Variants in ADAM12 observed in about 807,000 individuals in gnomAD.
The protein encoded by ADAM12 is ADAM metallopeptidase domain 12.
A neutral mutation model predicts 106.4 loss-of-function variants in ADAM12; 70 were observed. The ratio of observed to expected loss-of-function variants is 0.66; its 90% CI spans 0.54 to 0.80. The LOEUF (loss-of-function observed/expected upper bound fraction) is 0.80, where lower values mean the gene tolerates loss of function less well. ADAM12 is among the 30% of genes least tolerant of loss of function. The pLI, the probability that ADAM12 is intolerant of heterozygous loss-of-function variation, is 0.00. For missense variants in ADAM12, 1,010 were observed against 1,171.9 expected, an observed-to-expected ratio of 0.86 and a Z score of 2.02; for synonymous variants, 420 against 433.5, an observed-to-expected ratio of 0.97 and a Z score of 0.39.
chr10:126,361,625 T>C (rs1855748279), intron 1 of ADAM12, among the ~76,000 whole-genome samples: 1 of 151,996 alleles, frequency 6.6e-6, no homozygotes, highest in African/African-American at 2.4e-5. Flanking sequence ...AGCCCAGAAA[T>C]GAACCCAAAC....
intron 2 of ADAM12, among the ~76,000 whole-genome samples, chr10:126,313,345 A>G (rs1323089227): frequency 3.3e-5 from 5 of 152,308 alleles, no homozygotes; most frequent in African/African-American, 9.6e-5. Context: ...GCCTTCTTCT[A>G]TTGGTGACCC....
chr10:126,384,651 T>C (rs904916650), intron 1 of ADAM12, among the ~76,000 whole-genome samples: 2 of 152,078 alleles, frequency 1.3e-5, no homozygotes, highest in Non-Finnish European at 2.9e-5. Context: ...AGGAGGTTGA[T>C]AGTTCTTCCA....
At chr10:126,084,294 G>A (rs1955292564) in intron 11 of ADAM12, among the ~76,000 whole-genome samples, 1 of 152,162 alleles carries the variant, frequency 6.6e-6, no homozygotes, top group Non-Finnish European at 1.5e-5. Flanking sequence ...CCTGCACCAA[G>A]TCCTGAAAGA....
chr10:126,013,820 G>A lies in ADAM12; in HGVS notation c.*3459C>T, dbSNP rs935987188. ...TAGGGCTGGCTTCTAGCATGGAGAG[G>A]AGAGGAAAAGGGGTCCTGCAATGTC... On this transcript the variant is annotated 3_prime_UTR_variant, in exon 23 of 23. Transcript: ENST00000448723. This position sits in a 1 kb window ranked among gnomAD's most constrained non-coding sequence, Gnocchi z 4.3. 3.3e-5 allele frequency: 5 copies of A among 152,470 alleles called. No individual in the cohort carries two copies. The highest frequency in any genetic ancestry group is 5.9e-5 in the Non-Finnish European group (4 of 68,256). 9.4% of individuals were successfully genotyped at this position (152,470 alleles called of 1,614,324 possible). A position where few individuals can be genotyped will look rare whatever the true frequency, so the allele number is the denominator to read the frequency against.
intron 3 of ADAM12, among the ~76,000 whole-genome samples, chr10:126,249,580 T>C (rs1958704387): frequency 6.6e-6 from 1 of 152,126 alleles, no homozygotes; most frequent in African/African-American, 2.4e-5. Flanking sequence ...CGCCTGTGCC[T>C]GTAGTCTCAG....
chr10:126,254,069 C>T (rs1237444852), intron 3 of ADAM12, among the ~76,000 whole-genome samples: 2 of 152,228 alleles, frequency 1.3e-5, no homozygotes, highest in Admixed American at 6.5e-5. Flanking sequence ...CTACCCTTCC[C>T]CAGTCCCCTC....
At chr10:126,304,659 T>C (rs1037914182) in intron 2 of ADAM12, among the ~76,000 whole-genome samples, 2 of 152,000 alleles carry the variant, frequency 1.3e-5, no homozygotes, top group African/African-American at 2.4e-5. Context: ...AAATACACCA[T>C]TAAGAAAATA....
At chr10:126,081,427 G>A (rs1431619130) in intron 11 of ADAM12, among the ~76,000 whole-genome samples, 1 of 152,216 alleles carries the variant, frequency 6.6e-6, no homozygotes, top group Non-Finnish European at 1.5e-5. Flanking sequence ...GTCCACAGCT[G>A]ACAAATGATT....
intron 1 of ADAM12, among the ~76,000 whole-genome samples, chr10:126,360,142 T>C (rs1451518439): frequency 6.6e-6 from 1 of 152,174 alleles, no homozygotes; most frequent in African/African-American, 2.4e-5. Context: ...ACAGGGACCC[T>C]GGGCCTGACC....
chr10:126,094,282 G>T, intron 10 of ADAM12, 149 bp from the exon 11 acceptor site: 1 of 818,640 alleles, frequency 1.2e-6, no homozygotes, highest in Non-Finnish European at 1.8e-6. Context: ...CTATCATTTA[G>T]TTTAAACTTA....
At chr10:126,180,918 A>G (rs180721852) in intron 3 of ADAM12, among the ~76,000 whole-genome samples, 37 of 152,346 alleles carry the variant, frequency 2.4e-4, no homozygotes, top group African/African-American at 7.7e-4. Flanking sequence ...AGGAGGAAGA[A>G]GTACAAGTCT....
chr10:126,107,186 TCTG>T (rs1955790152), intron 8 of ADAM12, among the ~76,000 whole-genome samples: 1 of 152,182 alleles, frequency 6.6e-6, no homozygotes, highest in South Asian at 2.1e-4. Flanking sequence ...TACTCCTTCT[TCTG>T]CTATGCTCAC....
chr10:126,315,434 T>C (rs189947529), intron 2 of ADAM12, among the ~76,000 whole-genome samples: 13 of 152,336 alleles, frequency 8.5e-5, no homozygotes, highest in Admixed American at 2.0e-4. Context: ...ATCTTTTGTA[T>C]TTGACTTAAG....
chr10:126,233,012 T>C (rs1343816123), intron 3 of ADAM12, among the ~76,000 whole-genome samples: 1 of 151,808 alleles, frequency 6.6e-6, no homozygotes, highest in Non-Finnish European at 1.5e-5. Context: ...GCATTTGGGG[T>C]GTGCGTGGAA....
chr10:126,333,384 C>T (rs1854588940), intron 1 of ADAM12, among the ~76,000 whole-genome samples: 1 of 152,210 alleles, frequency 6.6e-6, no homozygotes, highest in Non-Finnish European at 1.5e-5. Flanking sequence ...TACCAAAAGG[C>T]CTGGAAGGTT....
rs757336646 is a variant in ADAM12, at chr10:126,064,829, T to C, written c.1586A>G (p.Gln529Arg). The C allele has an allele frequency of 6.2e-7, 1 of 1,609,526 alleles. No homozygotes were observed. The highest frequency in any genetic ancestry group is 1.1e-5 in the South Asian group (1 of 90,062). Reference sequence around the variant, plus strand: ...ACCTGGTCCCCAGAGCGTGACACACTGCTGCTCGTGAGTCTGGCAGATGCC... The same window carrying C: ...ACCTGGTCCCCAGAGCGTGACACACCGCTGCTCGTGAGTCTGGCAGATGCC... ...YNGICQTHEQQCVTLWGPGAK... is the reference protein window; with the variant it reads ...YNGICQTHEQRCVTLWGPGAK... The change falls in exon 14 of 23, where the codon CAG (glutamine) becomes CGG (arginine). Residue 529 changes from glutamine to arginine, a missense_variant. Physicochemically the swap from Gln to Arg is conservative, Grantham distance 43. This residue lies in a region of ADAM12 where 615 missense variants were observed against 708.5 expected (regional missense o/e 0.87). Transcript: ENST00000448723. This position sits in a 1 kb window ranked among gnomAD's most constrained non-coding sequence, Gnocchi z 4.4.
intron 3 of ADAM12, among the ~76,000 whole-genome samples, chr10:126,262,694 C>A (rs1198205675): frequency 1.3e-5 from 2 of 152,164 alleles, no homozygotes; most frequent in African/African-American, 4.8e-5. Context: ...CAGAGGCTTC[C>A]CAGTGCCTTT....
chr10:126,043,920 C>T lies in ADAM12; in HGVS notation c.1996-772G>A, dbSNP rs1954245569. Among the ~76,000 whole-genome samples, 1 of 152,150 alleles carries T rather than the reference C, an allele frequency of 6.6e-6. No individual in the cohort carries two copies. Among genetic ancestry groups the T allele is most frequent in the South Asian group, 2.1e-4 (1 of 4,828 alleles). On this transcript the variant is annotated intron_variant, in intron 17 of 22. Transcript: ENST00000448723. The surrounding 1 kb of genome is among the most constrained non-coding windows in gnomAD (Gnocchi z 4.1). ...ACCAAGAAAGCCCGAGGAGGCTGTG[C>T]TTCACCCTTGTTGGGCCCAGCTCAT... is the stretch of plus-strand genomic sequence containing the variant.
rs147696708 is a variant in ADAM12, at chr10:126,254,876, G to A, written c.260+24039C>T. ...GAACTGTCATTAGAACCATTAAAAC[G>A]TCATCTCTCTTGACATAAACCATAA... On this transcript the variant is annotated intron_variant, in intron 3 of 22. Transcript: ENST00000448723. Among the ~76,000 whole-genome samples the A allele has an allele frequency of 1.2e-4, 19 of 152,302 alleles. No homozygotes were observed. The East Asian group carries it at 2.7e-3, about 22-fold the overall frequency.
Sources: gnomAD v4.1 joint callset for allele counts (sites outside exome capture counted in the v4.1 genomes callset) on GRCh38, gnomAD v4.1.1 for gene constraint, gnomAD v4.1.1 regional missense constraint, Gnocchi (gnomAD v3.1) non-coding constraint, MANE v1.5 for transcripts, NCBI Gene and HGNC (gene_info 2026-07-23, HGNC 2026-07-21) for gene names.